Variants in SLC11A2 observed in about 807,000 individuals in gnomAD.
The protein encoded by SLC11A2 is solute carrier family 11 member 2.
SLC11A2 carries 38 observed loss-of-function variants against 68.0 expected under a neutral mutation model. The ratio of observed to expected loss-of-function variants is 0.56; its 90% CI spans 0.43 to 0.73. The LOEUF (loss-of-function observed/expected upper bound fraction) is 0.73, where lower values mean the gene tolerates loss of function less well. Among genes scored for constraint, SLC11A2 ranks in the 30% least tolerant of loss-of-function variants. The pLI, the probability that SLC11A2 is intolerant of heterozygous loss-of-function variation, is 0.00. For synonymous variants in SLC11A2, 242 were observed against 250.6 expected, an observed-to-expected ratio of 0.97 and a Z score of 0.32; for missense variants, 517 against 690.5, an observed-to-expected ratio of 0.75 and a Z score of 2.82.
At chr12:51,002,908 C>G (rs1258571754) in intron 5 of SLC11A2, among the ~76,000 whole-genome samples, 1 of 150,630 alleles carries the variant, frequency 6.6e-6, no homozygotes, top group Non-Finnish European at 1.5e-5. Flanking sequence ...CCACTGTACT[C>G]CAGGCTGGGC....
At chr12:51,005,477 T>C (rs1392355376) in intron 3 of SLC11A2, 41 bp from the exon 4 acceptor site, 30 of 1,610,546 alleles carry the variant, frequency 1.9e-5, no homozygotes, top group Non-Finnish European at 2.4e-5. Flanking sequence ...AACATCACCA[T>C]TGAACTACTG....
At chr12:50,973,191 TC>T in the SLC11A2 span, among the ~76,000 whole-genome samples, 2 of 152,214 alleles carry the variant, frequency 1.3e-5, no homozygotes, top group Admixed American at 6.5e-5. Flanking sequence ...ACAGACTGCC[TC>T]CTCAAGTGGT....
chr12:51,015,624 C>T (rs985108433), intron 1 of SLC11A2, among the ~76,000 whole-genome samples: 1 of 152,102 alleles, frequency 6.6e-6, no homozygotes, highest in Non-Finnish European at 1.5e-5. Context: ...TTTTGCTCTC[C>T]AGGGCTGTAG....
chr12:50,970,359 TTTCATAAAAATACAACAAGTGGA>T, the SLC11A2 span: 1 of 781,980 alleles, frequency 1.3e-6, no homozygotes, highest in Non-Finnish European at 2.2e-6. Context: ...TGTGGGCTAG[TTTCATAAAAATACAACAAGTGGA>T]AGAAATTCAG....
rs921160441 is a variant in SLC11A2, at chr12:50,986,526, C to A, written c.*1799G>T. 1 of 1,283,156 alleles carries A rather than the reference C, an allele frequency of 7.8e-7. No individual in the cohort carries two copies. Among genetic ancestry groups the A allele is most frequent in the African/African-American group, 1.5e-5 (1 of 65,728 alleles). The allele number at this position is 1,283,156 out of a possible 1,614,324, so 79.5% of individuals were successfully genotyped here. ...AAATCTGAGACTGACTGGACCCACC[C>A]AGACCCAGGGCAAAGATACATGTTA... is the stretch of plus-strand genomic sequence containing the variant. On this transcript the variant is annotated 3_prime_UTR_variant, in exon 16 of 16. Coordinates refer to ENST00000262052, the MANE Select transcript of SLC11A2 (RefSeq NM_000617.3).
chr12:51,026,448 G>T, upstream of SLC11A2: 1 of 904,758 alleles, frequency 1.1e-6, no homozygotes, highest in South Asian at 1.4e-5. Flanking sequence ...CCTATTGGCT[G>T]GAGTCCCTGC....
At chr12:51,025,691 T>C in intron 1 of SLC11A2, 1 of 913,402 alleles carries the variant, frequency 1.1e-6, no homozygotes, top group Non-Finnish European at 1.3e-6. Context: ...AATATCCCCC[T>C]GTAGAAAAAC....
chr12:50,984,816 A>ATG (rs1940391666), downstream of SLC11A2, among the ~76,000 whole-genome samples: 1 of 152,198 alleles, frequency 6.6e-6, no homozygotes, highest in Non-Finnish European at 1.5e-5. Context: ...TTCTAGCACT[A>ATG]ATCAGAGTAT....
Position 50,986,990 on chromosome 12 carries a change from T to G in SLC11A2, c.*1335A>C. 1 of 1,286,384 alleles carries G rather than the reference T, an allele frequency of 7.8e-7. No individual in the cohort carries two copies. The highest frequency in any genetic ancestry group is 1.0e-6 in the Non-Finnish European group (1 of 988,164). 79.7% of individuals were successfully genotyped at this position (1,286,384 alleles called of 1,614,324 possible). A position where few individuals can be genotyped will look rare whatever the true frequency, so the allele number is the denominator to read the frequency against. Reference sequence around the variant, plus strand: ...TCCATTACTGTTCTCACCAAATCAATGACTATAAAACAGTTTTGATTATTT... The same window carrying G: ...TCCATTACTGTTCTCACCAAATCAAGGACTATAAAACAGTTTTGATTATTT... On this transcript the variant is annotated 3_prime_UTR_variant, in exon 16 of 16. Transcript: ENST00000262052.
chr12:51,025,169 G>A (rs969846731), intron 1 of SLC11A2, among the ~76,000 whole-genome samples: 1 of 152,178 alleles, frequency 6.6e-6, no homozygotes, highest in Non-Finnish European at 1.5e-5. Context: ...TCAATGGAAA[G>A]TATAGGCCGG....
chr12:50,953,306 A>G, the SLC11A2 span, among the ~76,000 whole-genome samples: 1 of 152,250 alleles, frequency 6.6e-6, no homozygotes, highest in African/African-American at 2.4e-5. Flanking sequence ...TCTCATTCAT[A>G]GGATGAAGCC....
chr12:50,982,928 G>GA (rs1940177822), downstream of SLC11A2, among the ~76,000 whole-genome samples: 2 of 141,328 alleles, frequency 1.4e-5, no homozygotes, highest in Admixed American at 7.3e-5. Context: ...GCAACACAGC[G>GA]AGACTCCGTC....
chr12:50,973,823 C>A, the SLC11A2 span, among the ~76,000 whole-genome samples: 44 of 152,280 alleles, frequency 2.9e-4, 1 homozygote, highest in South Asian at 9.1e-3. Context: ...AACCATGGCA[C>A]AAGAACTACG....
In SLC11A2 at chr12:50,986,538, A is replaced by G; in HGVS notation, c.*1787T>C. On this transcript the variant is annotated 3_prime_UTR_variant, in exon 16 of 16. Transcript: ENST00000262052. ...GACTGGACCCACCCAGACCCAGGGC[A>G]AAGATACATGTTACCATATCATCTT... is the stretch of plus-strand genomic sequence containing the variant. 2.3e-6 allele frequency: 3 copies of G among 1,282,436 alleles called. No individual in the cohort carries two copies. The highest frequency in any genetic ancestry group is 3.0e-6 in the Non-Finnish European group (3 of 984,144). 79.4% of individuals were successfully genotyped at this position (1,282,436 alleles called of 1,614,324 possible).
At chr12:51,014,247 T>C (rs1010423271) in intron 1 of SLC11A2, 3 of 152,416 alleles carry the variant, frequency 2.0e-5, no homozygotes, top group East Asian at 1.9e-4. Flanking sequence ...AGCACCAAAA[T>C]AGGCTTTTAA....
At position 51,017,058 on chromosome 12, in the gene SLC11A2, C is replaced by T. The variant is rs192141246; in HGVS notation, c.-38-6292G>A. On this transcript the variant is annotated intron_variant, in intron 1 of 15. Coordinates refer to ENST00000262052, the MANE Select transcript of SLC11A2 (RefSeq NM_000617.3). ...CTGTTTTACAAGATAAAAATGCTAA[C>T]AAAATTTTATTTTCTGTCTAAAATT... Among the ~76,000 whole-genome samples the T allele has an allele frequency of 7.3e-5, 11 of 150,820 alleles. No individual in the cohort carries two copies. In the East Asian group the frequency reaches 2.1e-3, roughly 29 times the overall value.
the SLC11A2 span, among the ~76,000 whole-genome samples, chr12:50,964,021 G>A: frequency 6.6e-6 from 1 of 152,170 alleles, no homozygotes; most frequent in Non-Finnish European, 1.5e-5. Flanking sequence ...TTTGGATGAT[G>A]ATGATTCCTC....
chr12:50,992,936 G>A lies in SLC11A2; in HGVS notation c.1078-7C>T. On this transcript the variant is annotated splice_polypyrimidine_tract_variant and splice_region_variant and intron_variant, in intron 11 of 15. Coordinates refer to ENST00000262052, the MANE Select transcript of SLC11A2 (RefSeq NM_000617.3). ...AACATCCCAGCACAACACCCTGTGA[G>A]AGGCCAAGAGGAAGGATATGATTGT... 6.2e-7 allele frequency: 1 copy of A among 1,613,822 alleles called. No individual in the cohort carries two copies. Among genetic ancestry groups the A allele is most frequent in the Non-Finnish European group, 8.5e-7 (1 of 1,179,916 alleles).
At chr12:51,008,146 A>G (rs1296100054) in intron 3 of SLC11A2, 1 of 215,236 alleles carries the variant, frequency 4.6e-6, no homozygotes, top group African/African-American at 2.3e-5. Flanking sequence ...TCAAGGCTAC[A>G]GTGGGCTATG....
Sources: gnomAD v4.1 joint callset for allele counts (sites outside exome capture counted in the v4.1 genomes callset) on GRCh38, gnomAD v4.1.1 for gene constraint, MANE v1.5 for transcripts, NCBI Gene and HGNC (gene_info 2026-07-23, HGNC 2026-07-21) for gene names.